GK: variants seen among roughly 807,000 people sequenced by gnomAD.
GK encodes the protein ATP:glycerol 3-phosphotransferase.
A neutral mutation model predicts 56.4 loss-of-function variants in GK; 9 were observed. The observed-to-expected ratio is 0.16, with a 90% CI of 0.10 to 0.28. The LOEUF (loss-of-function observed/expected upper bound fraction) is 0.28. Among genes scored for constraint, GK ranks in the 10% least tolerant of loss-of-function variants. GK has a pLI of 1.00. For missense variants in GK, 161 were observed against 431.4 expected, an observed-to-expected ratio of 0.37 and a Z score of 5.55; for synonymous variants, 104 against 144.1, an observed-to-expected ratio of 0.72 and a Z score of 1.99.
intron 18 of GK, among the ~76,000 whole-genome samples, chrX:30,722,499 G>T (rs1281476273): frequency 8.9e-6 from 1 of 111,737 alleles, no homozygotes; most frequent in Non-Finnish European, 1.9e-5. Flanking sequence ...GGTGTTGAAG[G>T]CCTTAGCCTG....
intron 13 of GK, among the ~76,000 whole-genome samples, chrX:30,710,606 A>T (rs1936271447): frequency 9.0e-6 from 1 of 111,433 alleles, no homozygotes; most frequent in Non-Finnish European, 1.9e-5. Flanking sequence ...GTATATATTT[A>T]ATAATATTGT....
chrX:30,727,021 A>T (rs1477635173), intron 19 of GK, among the ~76,000 whole-genome samples: 1 of 112,682 alleles, frequency 8.9e-6, no homozygotes, highest in Non-Finnish European at 1.9e-5. Flanking sequence ...ATTTTAGCAA[A>T]CATAGGGTTT....
rs1404491838 is a variant in GK at position 30,719,656 on chromosome X, G to GA, written c.1151+144dup. 3 of 457,867 alleles carry GA rather than the reference G, an allele frequency of 6.6e-6. No individual in the cohort carries two copies. The African/African-American group carries it at 7.4e-5, about 11-fold the overall frequency. The allele number at this position is 457,867 out of a possible 1,213,427, so 37.7% of individuals were successfully genotyped here. A position where few individuals can be genotyped will look rare whatever the true frequency, so the allele number is the denominator to read the frequency against. On this transcript the variant is annotated intron_variant, in intron 15 of 20. Coordinates refer to ENST00000427190, the MANE Select transcript of GK (RefSeq NM_001205019.2). ...TTTCTTTTTGGAGAATATAATTTCA[G>GA]AAACTTTAAGCTCCAAGAAGTTATG...
chrX:30,730,108 A>T lies in GK; in HGVS notation c.*1366A>T, dbSNP rs768308142. 1.8e-5 allele frequency: 2 copies of T among 112,575 alleles called. No individual in the cohort carries two copies. The highest frequency in any genetic ancestry group is 1.9e-4 in the Admixed American group (2 of 10,580). 9.3% of individuals were successfully genotyped at this position (112,575 alleles called of 1,213,427 possible). A position where few individuals can be genotyped will look rare whatever the true frequency, so the allele number is the denominator to read the frequency against. ...CTCAAAATATTTAATGTCACATATT[A>T]TAAGAAGTTACCTAATCCTGCTTCT... On this transcript the variant is annotated 3_prime_UTR_variant, in exon 21 of 21. Transcript: ENST00000427190.
chrX:30,716,348 G>A (rs1257453036), intron 13 of GK, among the ~76,000 whole-genome samples: 2 of 111,606 alleles, frequency 1.8e-5, no homozygotes, highest in Non-Finnish European at 3.8e-5. Context: ...ACTGCCCATG[G>A]CAGCCATGGC....
At chrX:30,665,321 G>A (rs1283747316) in intron 1 of GK, among the ~76,000 whole-genome samples, 190 bp from the exon 2 acceptor site, 6 of 111,824 alleles carry the variant, frequency 5.4e-5, no homozygotes, top group Non-Finnish European at 1.1e-4. Context: ...TTTACCTAAA[G>A]AGAAGTTATT....
chrX:30,682,747 C>CA (rs940214046), intron 4 of GK, among the ~76,000 whole-genome samples: 31 of 111,667 alleles, frequency 2.8e-4, no homozygotes, highest in African/African-American at 1.0e-3. Flanking sequence ...GCTGCTTTAA[C>CA]AAAAATATCA....
chrX:30,709,625 T>C (rs1936216603), intron 13 of GK, among the ~76,000 whole-genome samples: 1 of 111,667 alleles, frequency 9.0e-6, no homozygotes, highest in Non-Finnish European at 1.9e-5. Context: ...ATCTGACCTG[T>C]ACTCAATCAA....
At chrX:30,724,639 T>C in intron 19 of GK, 4 of 314,664 alleles carry the variant, frequency 1.3e-5, no homozygotes, top group Non-Finnish European at 2.4e-5. Flanking sequence ...GGAATTCCTT[T>C]GGAATCAGAG....
Position 30,691,205 on chromosome X carries a change from A to T in GK, c.414+6A>T. 2 of 1,020,523 alleles carry T rather than the reference A, an allele frequency of 2.0e-6. No individual in the cohort carries two copies. The highest frequency in any genetic ancestry group is 2.8e-6 in the Non-Finnish European group (2 of 723,313). The allele number at this position is 1,020,523 out of a possible 1,213,427, so 84.1% of individuals were successfully genotyped here. ...GAAATAATAACTTTGTCAAGGTAAG[A>T]ATTTCTTCAGAAGTATACTATAAGA... is the stretch of plus-strand genomic sequence containing the variant. On this transcript the variant is annotated splice_donor_region_variant and intron_variant, in intron 5 of 20. Transcript: ENST00000427190.
intron 1 of GK, among the ~76,000 whole-genome samples, chrX:30,664,625 C>T (rs1196789661): frequency 9.3e-6 from 1 of 107,503 alleles, no homozygotes; most frequent in Non-Finnish European, 1.9e-5. Context: ...CAATTTATGA[C>T]AAGCATGTCA....
At position 30,721,038 on chromosome X, in the gene GK, C is replaced by G. The variant is rs185250714; in HGVS notation, c.1501+43C>G. On this transcript the variant is annotated intron_variant, in intron 18 of 20. Coordinates refer to ENST00000427190, the MANE Select transcript of GK (RefSeq NM_001205019.2). ...AATGTTCAGTGATATACTGTGAAAA[C>G]GACCTTAGTGCACGGGAGTTTTGTT... 9.8e-5 allele frequency: 112 copies of G among 1,139,050 alleles called. 1 individual carries two copies. In the Middle Eastern group the frequency reaches 2.2e-3, roughly 22 times the overall value. The allele number at this position is 1,139,050 out of a possible 1,213,427, so 93.9% of individuals were successfully genotyped here. A position where few individuals can be genotyped will look rare whatever the true frequency, so the allele number is the denominator to read the frequency against.
At chrX:30,726,729 G>A (rs972636022) in intron 19 of GK, among the ~76,000 whole-genome samples, 4 of 111,546 alleles carry the variant, frequency 3.6e-5, no homozygotes, top group Admixed American at 9.6e-5. Flanking sequence ...AACTATATAA[G>A]TTATATGATA....
chrX:30,672,535 C>T (rs1287514437), intron 3 of GK, among the ~76,000 whole-genome samples: 1 of 112,158 alleles, frequency 8.9e-6, no homozygotes, highest in East Asian at 2.8e-4. Flanking sequence ...TTTATCAGGC[C>T]GGGCGCAGTG....
intron 3 of GK, among the ~76,000 whole-genome samples, chrX:30,670,142 T>C (rs952012729): frequency 7.1e-5 from 8 of 112,136 alleles, no homozygotes; most frequent in Non-Finnish European, 1.5e-4. Context: ...CTTGCACTTC[T>C]CACAGTCTAA....
intron 1 of GK, among the ~76,000 whole-genome samples, 179 bp downstream of exon 1, chrX:30,653,794 C>T (rs1327514677): frequency 1.8e-5 from 2 of 112,488 alleles, no homozygotes; most frequent in Admixed American, 9.3e-5. Flanking sequence ...GCCTGGGGGA[C>T]CTCGGCCTCT....
At chrX:30,709,612 C>T (rs1936215303) in intron 13 of GK, among the ~76,000 whole-genome samples, 1 of 111,485 alleles carries the variant, frequency 9.0e-6, no homozygotes, top group African/African-American at 3.3e-5. Context: ...CATTCTACAT[C>T]TAATCTGACC....
At chrX:30,658,783 T>C (rs1246801983) in intron 1 of GK, among the ~76,000 whole-genome samples, 1 of 112,457 alleles carries the variant, frequency 8.9e-6, no homozygotes, top group Non-Finnish European at 1.9e-5. Flanking sequence ...TTTGAGCTTC[T>C]TGAGGGATAG....
Position 30,730,195 on chromosome X carries a change from G to C in GK, c.*1453G>C, listed in dbSNP as rs1569182500. ...GTTTTGTAGTAAACAGTGAAGAAAA[G>C]ATTGCCTCCTAATTATTTTTTTCAA... is the stretch of plus-strand genomic sequence containing the variant. On this transcript the variant is annotated 3_prime_UTR_variant, in exon 21 of 21. Transcript: ENST00000427190. The C allele has an allele frequency of 8.9e-6, 1 of 111,910 alleles. No homozygotes were observed. 9.2% of individuals were successfully genotyped at this position (111,910 alleles called of 1,213,427 possible).
Sources: gnomAD v4.1 joint callset for allele counts (sites outside exome capture counted in the v4.1 genomes callset) on GRCh38, gnomAD v4.1.1 for gene constraint, MANE v1.5 for transcripts, NCBI Gene and HGNC (gene_info 2026-07-23, HGNC 2026-07-21) for gene names.